Variants in SPSB4 observed in about 807,000 individuals in gnomAD.
SPSB4 encodes splA/ryanodine receptor domain and SOCS box containing 4.
Under a neutral mutation model 20.9 loss-of-function variants are expected in SPSB4, and 21 were observed. The observed-to-expected ratio is 1.01, with a 90% CI of 0.71 to 1.45. SPSB4 has a LOEUF of 1.45. SPSB4 is among the 40% of genes most tolerant of loss of function. The pLI is 0.00. For missense variants in SPSB4, 399 were observed against 399.2 expected (o/e 1.00, Z 0.00); for synonymous variants, 207 against 183.8 (o/e 1.13, Z -1.02).
chr3:141,126,659 C>G (rs1015093549), intron 2 of SPSB4, among the ~76,000 whole-genome samples: 26 of 152,192 alleles, frequency 1.7e-4, no homozygotes, highest in Non-Finnish European at 2.9e-5. Flanking sequence ...TGAGCATGTG[C>G]CAGGCCATGC....
intron 2 of SPSB4, among the ~76,000 whole-genome samples, chr3:141,100,485 G>A (rs1309469388): frequency 6.6e-6 from 1 of 152,296 alleles, no homozygotes; most frequent in East Asian, 1.9e-4. Flanking sequence ...GAAGCTAGGG[G>A]AGAAGCATGC....
rs1425570931 is a variant in SPSB4 at position 141,066,197 on chromosome 3, C to A, written c.93C>A (p.Pro31=). 5 of 1,530,370 alleles carry A rather than the reference C, an allele frequency of 3.3e-6. No individual in the cohort carries two copies. In the East Asian group the frequency reaches 1.0e-4, roughly 31 times the overall value. 94.8% of individuals were successfully genotyped at this position (1,530,370 alleles called of 1,614,324 possible). Reference sequence around the variant, plus strand: ...AGCGGGAGCTGCGGGGTGCAGAGCCCGGGCGGCCGGCGCGGCTGGACCAGC... The same window carrying A: ...AGCGGGAGCTGCGGGGTGCAGAGCCAGGGCGGCCGGCGCGGCTGGACCAGC... The part of the protein sequence containing the change: ...PAKRELRGAE[P]GRPARLDQLL... The change falls in exon 2 of 3, where the codon CCC becomes CCA. Residue 31 remains proline (P), a synonymous_variant. Transcript: ENST00000310546.
chr3:141,145,812 ACAAACCTCCAGG>A (rs1939405047), intron 2 of SPSB4, among the ~76,000 whole-genome samples: 1 of 151,706 alleles, frequency 6.6e-6, no homozygotes, highest in Non-Finnish European at 1.5e-5. Flanking sequence ...TCCTCTCCCC[ACAAACCTCCAGG>A]CTGTCCTGTT....
chr3:141,097,703 C>G (rs1938565588), intron 2 of SPSB4, among the ~76,000 whole-genome samples: 2 of 152,050 alleles, frequency 1.3e-5, no homozygotes, highest in South Asian at 4.2e-4. Context: ...CTGCAGGTAG[C>G]TATATTTGGG....
intron 2 of SPSB4, among the ~76,000 whole-genome samples, chr3:141,135,364 A>ATTATT (rs1939209046): frequency 8.6e-6 from 1 of 115,682 alleles, no homozygotes. Context: ...TTATTATTAT[A>ATTATT]CCTTAAGTTT....
intron 2 of SPSB4, among the ~76,000 whole-genome samples, chr3:141,140,696 T>C (rs1277182186): frequency 1.3e-5 from 2 of 152,208 alleles, no homozygotes; most frequent in African/African-American, 2.4e-5. Context: ...TGGGAAGTTT[T>C]GTCTCAGAGG....
intron 2 of SPSB4, among the ~76,000 whole-genome samples, chr3:141,141,019 C>G (rs887607197): frequency 6.6e-6 from 1 of 152,230 alleles, no homozygotes; most frequent in Non-Finnish European, 1.5e-5. Flanking sequence ...CCTACTCAAG[C>G]CTGAGCAATG....
At chr3:141,054,424 G>A (rs1019955040) in intron 1 of SPSB4, among the ~76,000 whole-genome samples, 3 of 152,140 alleles carry the variant, frequency 2.0e-5, no homozygotes, top group African/African-American at 7.2e-5. Flanking sequence ...TTTTAAACCA[G>A]CAACACGTTT....
chr3:141,089,467 T>G (rs1299932173), intron 2 of SPSB4, among the ~76,000 whole-genome samples: 1 of 152,136 alleles, frequency 6.6e-6, no homozygotes, highest in East Asian at 1.9e-4. Context: ...TCTGGGTATT[T>G]GCCTAGTGGA....
chr3:141,075,090 CCCCAT>C (rs1938080709), intron 2 of SPSB4, among the ~76,000 whole-genome samples: 1 of 127,590 alleles, frequency 7.8e-6, no homozygotes, highest in Non-Finnish European at 1.5e-5. Flanking sequence ...TGAAAATGTT[CCCCAT>C]CAGAAACAAG....
intron 2 of SPSB4, among the ~76,000 whole-genome samples, chr3:141,140,352 T>C (rs1182358130): frequency 2.0e-5 from 3 of 152,210 alleles, no homozygotes; most frequent in African/African-American, 7.2e-5. Context: ...TCATTCTCCA[T>C]CCAGCTTTGT....
chr3:141,072,511 G>C (rs72980156), intron 2 of SPSB4, among the ~76,000 whole-genome samples: 8,629 of 152,066 alleles, frequency 0.057, 850 homozygotes, highest in African/African-American at 0.2. Context: ...GTTTAAAAGA[G>C]CCTGGCATCT....
chr3:141,110,229 G>A (rs1335890856), intron 2 of SPSB4, among the ~76,000 whole-genome samples: 1 of 152,232 alleles, frequency 6.6e-6, no homozygotes, highest in Non-Finnish European at 1.5e-5. Flanking sequence ...CAAAGCCAGA[G>A]TGGTAAGAGG....
chr3:141,106,312 G>T (rs1017369633), intron 2 of SPSB4, among the ~76,000 whole-genome samples: 1 of 152,116 alleles, frequency 6.6e-6, no homozygotes, highest in African/African-American at 2.4e-5. Context: ...TGGAGCCCTC[G>T]GGCCACTCCA....
At chr3:141,100,296 A>G (rs1938596225) in intron 2 of SPSB4, among the ~76,000 whole-genome samples, 1 of 152,164 alleles carries the variant, frequency 6.6e-6, no homozygotes, top group African/African-American at 2.4e-5. Context: ...TGCAGATGTA[A>G]TAAGTTAAGA....
intron 1 of SPSB4, among the ~76,000 whole-genome samples, chr3:141,064,685 A>T (rs779547436): frequency 6.6e-6 from 1 of 152,136 alleles, no homozygotes; most frequent in African/African-American, 2.4e-5. Flanking sequence ...CCATCTCCTC[A>T]TCTGGCTCAG....
intron 2 of SPSB4, among the ~76,000 whole-genome samples, chr3:141,075,769 G>A (rs190363487): frequency 3.0e-3 from 454 of 152,108 alleles, no homozygotes; most frequent in African/African-American, 0.01. Context: ...TATTCCAGCC[G>A]GGCTTTGTGG....
At chr3:141,100,474 G>A (rs550289367) in intron 2 of SPSB4, among the ~76,000 whole-genome samples, 78 of 152,268 alleles carry the variant, frequency 5.1e-4, no homozygotes, top group South Asian at 2.9e-3. Flanking sequence ...GTAAACCACC[G>A]GAAGCTAGGG....
intron 2 of SPSB4, among the ~76,000 whole-genome samples, chr3:141,144,144 T>TATC (rs1162923613): frequency 3.3e-5 from 5 of 152,328 alleles, no homozygotes; most frequent in African/African-American, 1.2e-4. Context: ...AAGCAGATCC[T>TATC]ATCAGACGTC....
Sources: allele counts gnomAD v4.1 joint callset (sites outside exome capture counted in the v4.1 genomes callset), GRCh38; gene constraint gnomAD v4.1.1; transcripts MANE v1.5; gene names NCBI Gene and HGNC (gene_info 2026-07-23, HGNC 2026-07-21).